Variants in SSH2 observed in about 807,000 individuals in gnomAD.
SSH2 encodes the protein slingshot protein phosphatase 2, also known as protein phosphatase Slingshot homolog 2.
A neutral mutation model predicts 135.2 loss-of-function variants in SSH2; 37 were observed. That is an observed-to-expected ratio of 0.27 (90% confidence interval 0.21 to 0.36). The LOEUF is 0.36. SSH2 is among the 10% of genes least tolerant of loss of function. The pLI, the probability that SSH2 is intolerant of heterozygous loss-of-function variation, is 1.00. For missense variants in SSH2, 1,408 were observed against 1,765.3 expected, an observed-to-expected ratio of 0.80 and a Z score of 3.63; for synonymous variants, 628 against 646.2, an observed-to-expected ratio of 0.97 and a Z score of 0.43.
chr17:29,849,478 CAAAAAAAAAAA>C (rs36026122), intron 1 of SSH2, among the ~76,000 whole-genome samples: 4 of 48,336 alleles, frequency 8.3e-5, no homozygotes, highest in Non-Finnish European at 1.8e-4. Flanking sequence ...GACTCCGTCT[CAAAAAAAAAAA>C]AAAAAAAAAA....
chr17:29,681,845 C>A (rs1398005686), intron 6 of SSH2, among the ~76,000 whole-genome samples: 4 of 152,112 alleles, frequency 2.6e-5, no homozygotes, highest in African/African-American at 9.7e-5. Flanking sequence ...ATTCCTTCAA[C>A]AACAACTGAG....
chr17:29,712,673 A>T (rs1275713726), intron 3 of SSH2, among the ~76,000 whole-genome samples: 1 of 152,090 alleles, frequency 6.6e-6, no homozygotes, highest in East Asian at 1.9e-4. Context: ...GCATGGTGGC[A>T]TGTGCCTGTA....
chr17:29,848,198 T>G (rs2065481133), intron 2 of SSH2, among the ~76,000 whole-genome samples: 1 of 152,210 alleles, frequency 6.6e-6, no homozygotes, highest in South Asian at 2.1e-4. Context: ...ACTGAGAATT[T>G]CCACTGCTCA....
intron 1 of SSH2, among the ~76,000 whole-genome samples, chr17:29,870,467 C>T (rs915789792): frequency 7.9e-5 from 12 of 152,106 alleles, no homozygotes; most frequent in African/African-American, 2.9e-4. Context: ...TCATTATATA[C>T]CCTTTATGAG....
In SSH2 at chr17:29,745,178, GA is replaced by G. The variant is rs200133176; in HGVS notation, c.189-42117del. ...TTTTCGTTTTTCTTTTTTTTTTTTTGAAACAGAGTCTTTTTCTGTCACCTAG... is the reference window on the plus strand; with the variant it reads ...TTTTCGTTTTTCTTTTTTTTTTTTTGAACAGAGTCTTTTTCTGTCACCTAG... On this transcript the variant is annotated intron_variant, in intron 3 of 15. Coordinates refer to ENST00000540801, the MANE Select transcript of SSH2 (RefSeq NM_001282129.2). 7.3e-3 allele frequency among the ~76,000 whole-genome samples: 971 copies of G among 133,620 alleles called. 6 individuals carry two copies. The highest frequency in any genetic ancestry group is 0.026 in the African/African-American group (931 of 35,778). 87.7% of individuals were successfully genotyped at this position (133,620 alleles called of 152,430 possible).
chr17:29,888,931 CAAAAAAAAAAAAAAAA>C (rs1175371440), intron 1 of SSH2, among the ~76,000 whole-genome samples: 1 of 42,082 alleles, frequency 2.4e-5, no homozygotes, highest in Non-Finnish European at 3.9e-5. Context: ...GACACTATCT[CAAAAAAAAAAAAAAAA>C]AAAAAAAAAA....
chr17:29,675,618 A>AC lies in SSH2; in HGVS notation c.614+1201dup, dbSNP rs1211026253. Among the ~76,000 whole-genome samples, 5 of 151,722 alleles carry AC rather than the reference A, an allele frequency of 3.3e-5. No homozygotes were observed. The South Asian group carries it at 6.3e-4, about 19-fold the overall frequency. ...AGACCAGCCTGGGCAACACAGAGAG[A>AC]CCCCCGTCTCCACAAAAAAAATTAA... On this transcript the variant is annotated intron_variant, in intron 8 of 15. Coordinates refer to ENST00000540801, the MANE Select transcript of SSH2 (RefSeq NM_001282129.2).
At chr17:29,774,777 C>T (rs766964371) in intron 3 of SSH2, among the ~76,000 whole-genome samples, 3 of 152,090 alleles carry the variant, frequency 2.0e-5, no homozygotes, top group East Asian at 1.9e-4. Context: ...GTTAATCATC[C>T]GGTCATGAAT....
intron 2 of SSH2, among the ~76,000 whole-genome samples, chr17:29,809,162 A>G (rs2042399517): frequency 6.6e-6 from 1 of 152,168 alleles, no homozygotes; most frequent in African/African-American, 2.4e-5. Context: ...GTTGAGGCAC[A>G]AGAATCACCT....
chr17:29,681,001 C>T (rs1279742276), intron 6 of SSH2, among the ~76,000 whole-genome samples: 2 of 151,918 alleles, frequency 1.3e-5, no homozygotes, highest in Non-Finnish European at 2.9e-5. Flanking sequence ...ATACAGGAAT[C>T]GACATTACAT....
In SSH2 at chr17:29,761,200, A is replaced by T. The variant is rs939259527; in HGVS notation, c.188+32694T>A. On this transcript the variant is annotated intron_variant, in intron 3 of 15. Coordinates refer to ENST00000540801, the MANE Select transcript of SSH2 (RefSeq NM_001282129.2). ...TGACCGCGTTGGCGGAGAAGTAAGG[A>T]ATCATGTCGGGGCCACCGAGGCTGC... The T allele has an allele frequency of 2.3e-6, 3 of 1,289,588 alleles. No individual in the cohort carries two copies. The South Asian group carries it at 3.7e-5, about 16-fold the overall frequency. The allele number at this position is 1,289,588 out of a possible 1,614,324, so 79.9% of individuals were successfully genotyped here. A position where few individuals can be genotyped will look rare whatever the true frequency, so the allele number is the denominator to read the frequency against.
At chr17:29,910,539 C>T (rs1012499855) in intron 1 of SSH2, among the ~76,000 whole-genome samples, 3 of 152,092 alleles carry the variant, frequency 2.0e-5, no homozygotes, top group African/African-American at 7.2e-5. Flanking sequence ...ATACATAATA[C>T]TTTTTGTCAA....
Position 29,746,547 on chromosome 17 carries a change from C to CAAAAA in SSH2, c.189-43490_189-43486dup, listed in dbSNP as rs57217896. On this transcript the variant is annotated intron_variant, in intron 3 of 15. Coordinates refer to ENST00000540801, the MANE Select transcript of SSH2 (RefSeq NM_001282129.2). ...TGGGCGACAGAGTGAGACTCTGTCTCAAAAAAAAAAAAAAAAAAAAAAAAA... is the reference window on the plus strand; with the variant it reads ...TGGGCGACAGAGTGAGACTCTGTCTCAAAAAAAAAAAAAAAAAAAAAAAAAAAAAA... Among the ~76,000 whole-genome samples the CAAAAA allele has an allele frequency of 3.1e-4, 21 of 67,934 alleles. 1 individual carries two copies. Among genetic ancestry groups the CAAAAA allele is most frequent in the African/African-American group, 1.1e-3 (18 of 17,048 alleles). The allele number at this position is 67,934 out of a possible 152,430, so 44.6% of individuals were successfully genotyped here. A position where few individuals can be genotyped will look rare whatever the true frequency, so the allele number is the denominator to read the frequency against.
At chr17:29,862,284 T>C (rs2065778501) in intron 1 of SSH2, among the ~76,000 whole-genome samples, 1 of 152,242 alleles carries the variant, frequency 6.6e-6, no homozygotes, top group Non-Finnish European at 1.5e-5. Flanking sequence ...TAATTATTGC[T>C]ATACAGGTTC....
intron 2 of SSH2, among the ~76,000 whole-genome samples, chr17:29,829,927 C>A (rs1260342913): frequency 6.6e-6 from 1 of 151,460 alleles, no homozygotes; most frequent in Non-Finnish European, 1.5e-5. Context: ...GCAAGCTCCG[C>A]CTCCTAGGTT....
intron 3 of SSH2, among the ~76,000 whole-genome samples, chr17:29,714,892 A>T (rs1353483014): frequency 6.6e-6 from 1 of 151,992 alleles, no homozygotes; most frequent in Non-Finnish European, 1.5e-5. Context: ...TTTGGGACAG[A>T]GTCTTGCCCT....
intron 3 of SSH2, chr17:29,761,301 T>G (rs2041291570): frequency 2.4e-6 from 3 of 1,272,986 alleles, no homozygotes; most frequent in Non-Finnish European, 3.1e-6. Flanking sequence ...AGTGCACAAC[T>G]CCGCATCCTG....
chr17:29,801,706 G>C (rs976064955), intron 2 of SSH2, among the ~76,000 whole-genome samples: 1 of 152,184 alleles, frequency 6.6e-6, no homozygotes, highest in African/African-American at 2.4e-5. Context: ...TTAAGGGCAG[G>C]AACTATGCCT....
chr17:29,737,538 A>G (rs2040412662), intron 3 of SSH2, among the ~76,000 whole-genome samples: 1 of 152,222 alleles, frequency 6.6e-6, no homozygotes, highest in African/African-American at 2.4e-5. Context: ...AATTAACTAC[A>G]GACAAATAAG....
Sources: gnomAD v4.1 joint callset for allele counts (sites outside exome capture counted in the v4.1 genomes callset) on GRCh38, gnomAD v4.1.1 for gene constraint, MANE v1.5 for transcripts, NCBI Gene and HGNC (gene_info 2026-07-23, HGNC 2026-07-21) for gene names.